CHIC2: variants seen among roughly 807,000 people sequenced by gnomAD.
CHIC2 encodes cysteine-rich hydrophobic domain-containing protein 2.
CHIC2 carries 14 observed loss-of-function variants against 25.9 expected under a neutral mutation model. The ratio of observed to expected loss-of-function variants is 0.54; its 90% CI spans 0.36 to 0.85. The LOEUF (loss-of-function observed/expected upper bound fraction) is 0.85, where lower values mean the gene tolerates loss of function less well. CHIC2 is among the 40% of genes least tolerant of loss of function. CHIC2 has a pLI of 0.01. For missense variants in CHIC2, 146 were observed against 202.0 expected, an observed-to-expected ratio of 0.72 and a Z score of 1.68; for synonymous variants, 70 against 72.0, an observed-to-expected ratio of 0.97 and a Z score of 0.14.
chr4:54,058,543 CACACATACACACACAT>C (rs1717240274), intron 1 of CHIC2, among the ~76,000 whole-genome samples: 1 of 110,748 alleles, frequency 9.0e-6, no homozygotes, highest in African/African-American at 4.0e-5. Context: ...AAGTCACATA[CACACATACACACACAT>C]ACACACACAC....
At chr4:54,040,430 G>A (rs1169061229) in intron 3 of CHIC2, among the ~76,000 whole-genome samples, 1 of 151,506 alleles carries the variant, frequency 6.6e-6, no homozygotes, top group Non-Finnish European at 1.5e-5. Context: ...AGCCGAGCAC[G>A]GTGGCTCACA....
chr4:54,084,543 C>T, the CHIC2 span, among the ~76,000 whole-genome samples: 16 of 151,272 alleles, frequency 1.1e-4, no homozygotes, highest in African/African-American at 3.9e-4. Context: ...ACAGCAATGA[C>T]ATAGTTAACT....
At chr4:54,018,649 T>A (rs922260653) in intron 3 of CHIC2, among the ~76,000 whole-genome samples, 1 of 151,962 alleles carries the variant, frequency 6.6e-6, no homozygotes. Context: ...AGAAAAAAAA[T>A]GTTAAGTGTA....
Position 54,049,069 on chromosome 4 carries a change from G to A in CHIC2, c.216C>T (p.Asn72=), listed in dbSNP as rs774625584. ...CAGGAAGGTTCTTCTTAAGACAACT[G>A]TTAACTCTGTTGATGCTGGCTTTAA... ...EEFKASINRV[N]SCLKKNLPVN... Residue 72 remains asparagine (N), a synonymous_variant, in exon 3 of 6, where the codon AAC becomes AAT. Coordinates refer to ENST00000263921, the MANE Select transcript of CHIC2 (RefSeq NM_012110.4). The A allele has an allele frequency of 1.2e-6, 2 of 1,610,890 alleles. No individual in the cohort carries two copies. The highest frequency in any genetic ancestry group is 1.7e-5 in the Admixed American group (1 of 59,534).
chr4:54,046,228 C>T (rs778157258), intron 3 of CHIC2, among the ~76,000 whole-genome samples: 12 of 152,182 alleles, frequency 7.9e-5, no homozygotes, highest in African/African-American at 2.6e-4. Flanking sequence ...ACACTGCCCA[C>T]GGTAATTTAT....
intron 1 of CHIC2, among the ~76,000 whole-genome samples, chr4:54,051,735 A>G (rs1341278182): frequency 6.6e-6 from 1 of 152,046 alleles, no homozygotes; most frequent in African/African-American, 2.4e-5. Context: ...CTGTATTTCT[A>G]CCTCGCTTCA....
chr4:54,091,493 C>T, the CHIC2 span, among the ~76,000 whole-genome samples: 1 of 152,170 alleles, frequency 6.6e-6, no homozygotes, highest in Non-Finnish European at 1.5e-5. Context: ...TTCACACATT[C>T]ATACACTCAT....
At chr4:54,085,543 T>C in the CHIC2 span, among the ~76,000 whole-genome samples, 824 of 152,326 alleles carry the variant, frequency 5.4e-3, 15 homozygotes, top group African/African-American at 0.019. Context: ...AGGAAGGGCA[T>C]CGAGCCAAGT....
In CHIC2 at chr4:54,044,553, T is replaced by C. The variant is rs569218461; in HGVS notation, c.330+4402A>G. Among the ~76,000 whole-genome samples the C allele has an allele frequency of 1.2e-4, 18 of 152,190 alleles. No homozygotes were observed. In the South Asian group the frequency reaches 3.3e-3, roughly 28 times the overall value. ...AACCTGCTCCTGAATGACTACTGGGTACATAATGAAATGAAGGCAGAAATA... is the reference window on the plus strand; with the variant it reads ...AACCTGCTCCTGAATGACTACTGGGCACATAATGAAATGAAGGCAGAAATA... On this transcript the variant is annotated intron_variant, in intron 3 of 5. Coordinates refer to ENST00000263921, the MANE Select transcript of CHIC2 (RefSeq NM_012110.4).
the CHIC2 span, among the ~76,000 whole-genome samples, chr4:54,091,714 C>T: frequency 6.6e-6 from 1 of 152,330 alleles, no homozygotes; most frequent in South Asian, 2.1e-4. Flanking sequence ...AAAGGAAAAG[C>T]AATCTCATTC....
chr4:54,062,722 G>A (rs1389898392), intron 1 of CHIC2, among the ~76,000 whole-genome samples: 2 of 152,124 alleles, frequency 1.3e-5, no homozygotes, highest in East Asian at 3.8e-4. Context: ...AGGGATAGAT[G>A]GCATGACAAA....
chr4:54,075,843 G>A, the CHIC2 span, among the ~76,000 whole-genome samples: 8 of 152,048 alleles, frequency 5.3e-5, no homozygotes, highest in East Asian at 1.5e-3. Flanking sequence ...CCACTGTGCC[G>A]GCCATATTTA....
intron 1 of CHIC2, among the ~76,000 whole-genome samples, chr4:54,050,866 C>A (rs767968469): frequency 9.9e-5 from 15 of 152,048 alleles, no homozygotes; most frequent in Non-Finnish European, 1.9e-4. Flanking sequence ...TAGTTAAGCA[C>A]CACATACTTG....
rs1715534240 is a variant in CHIC2 at position 54,009,976 on chromosome 4, A to T, written c.*119T>A. 3.3e-6 allele frequency: 2 copies of T among 607,026 alleles called. No individual in the cohort carries two copies. Among genetic ancestry groups the T allele is most frequent in the East Asian group, 6.2e-5 (2 of 32,152 alleles). The allele number at this position is 607,026 out of a possible 1,614,324, so 37.6% of individuals were successfully genotyped here. The stretch of plus-strand genomic sequence containing the variant: ...ATTTAAAAAAAAAACAAAAACAAAA[A>T]CAAAAAAAACACCACACGATTCTGT... On this transcript the variant is annotated 3_prime_UTR_variant, in exon 6 of 6. Coordinates refer to ENST00000263921, the MANE Select transcript of CHIC2 (RefSeq NM_012110.4).
intron 3 of CHIC2, among the ~76,000 whole-genome samples, chr4:54,017,156 A>G (rs1229200294): frequency 4.6e-5 from 7 of 151,100 alleles, no homozygotes; most frequent in Admixed American, 1.3e-4. Flanking sequence ...TTCTAATGAA[A>G]TGTAAGATTC....
the CHIC2 span, among the ~76,000 whole-genome samples, chr4:54,079,806 A>T: frequency 6.6e-6 from 1 of 152,056 alleles, no homozygotes; most frequent in African/African-American, 2.4e-5. Context: ...AAAAATAAAA[A>T]TTTTTTAAAA....
chr4:54,042,253 A>G (rs1716600959), intron 3 of CHIC2, among the ~76,000 whole-genome samples: 1 of 152,224 alleles, frequency 6.6e-6, no homozygotes, highest in Non-Finnish European at 1.5e-5. Flanking sequence ...TATTCCATCT[A>G]GTCATATAAA....
At chr4:54,012,483 T>G (rs1489340721) in intron 5 of CHIC2, among the ~76,000 whole-genome samples, 1 of 152,190 alleles carries the variant, frequency 6.6e-6, no homozygotes, top group African/African-American at 2.4e-5. Context: ...GGGATAACTT[T>G]TATGTTTTCC....
At chr4:54,056,275 TAAC>T (rs969731605) in intron 1 of CHIC2, among the ~76,000 whole-genome samples, 19 of 152,188 alleles carry the variant, frequency 1.2e-4, no homozygotes, top group African/African-American at 1.9e-4. Context: ...TGATCTAACT[TAAC>T]AACTTTTAAA....
Sources: gnomAD v4.1 joint callset for allele counts (sites outside exome capture counted in the v4.1 genomes callset) on GRCh38, gnomAD v4.1.1 for gene constraint, MANE v1.5 for transcripts, NCBI Gene and HGNC (gene_info 2026-07-23, HGNC 2026-07-21) for gene names.